NRDE2: variants seen among roughly 807,000 people sequenced by gnomAD.
NRDE2 encodes nuclear exosome regulator NRDE2.
In NRDE2, 76 loss-of-function variants were observed where a neutral mutation model predicts 124.2. That is an observed-to-expected ratio of 0.61 (90% CI 0.51 to 0.74). The LOEUF is 0.74. Among genes scored for constraint, NRDE2 ranks in the 30% least tolerant of loss-of-function variants. The pLI is 0.00. For synonymous variants in NRDE2, 489 were observed against 528.1 expected (o/e 0.93, Z 1.01); for missense variants, 1,314 against 1,417.3 (o/e 0.93, Z 1.17).
intron 2 of NRDE2, among the ~76,000 whole-genome samples, chr14:90,317,341 A>T (rs1885081662): frequency 6.6e-6 from 1 of 152,258 alleles, no homozygotes; most frequent in South Asian, 2.1e-4. Flanking sequence ...TTGTTAATAA[A>T]AAAACCAAAA....
chr14:90,296,006 G>C (rs542950748), intron 8 of NRDE2, among the ~76,000 whole-genome samples: 1 of 152,248 alleles, frequency 6.6e-6, no homozygotes, highest in Admixed American at 6.5e-5. Context: ...CTTTACACCT[G>C]ATTTTAAGTG....
intron 1 of NRDE2, among the ~76,000 whole-genome samples, chr14:90,318,898 ATGT>A (rs749919681): frequency 1.8e-4 from 28 of 152,350 alleles, no homozygotes; most frequent in Non-Finnish European, 3.7e-4. Context: ...AAAATATTCC[ATGT>A]TCTACCTTAG....
At chr14:90,319,624 A>G (rs1157239632) in intron 1 of NRDE2, among the ~76,000 whole-genome samples, 2 of 152,326 alleles carry the variant, frequency 1.3e-5, no homozygotes, top group Non-Finnish European at 1.5e-5. Flanking sequence ...ACTTACCACA[A>G]TGTTTTCAAG....
rs1029692209 is a variant in NRDE2, at chr14:90,273,208, G to A, written c.*5128C>T. On this transcript the variant is annotated 3_prime_UTR_variant, in exon 14 of 14. Coordinates refer to ENST00000354366, the MANE Select transcript of NRDE2 (RefSeq NM_017970.4). ...GGTTGTAGGGCCCACACTGAATGAG[G>A]AGTGTGTATTAGTTTTCTGTTAATA... is the stretch of plus-strand genomic sequence containing the variant. 1.3e-5 allele frequency: 2 copies of A among 151,694 alleles called. No homozygotes were observed. The highest frequency in any genetic ancestry group is 2.9e-5 in the Non-Finnish European group (2 of 67,842). The allele number at this position is 151,694 out of a possible 1,614,324, so 9.4% of individuals were successfully genotyped here.
intron 4 of NRDE2, among the ~76,000 whole-genome samples, chr14:90,308,965 G>A (rs896488291): frequency 2.6e-5 from 4 of 152,084 alleles, no homozygotes; most frequent in Non-Finnish European, 5.9e-5. Context: ...CCCACAGGCC[G>A]GGCGTGGTGG....
At chr14:90,323,497 T>C (rs1288954680) in intron 1 of NRDE2, among the ~76,000 whole-genome samples, 2 of 152,192 alleles carry the variant, frequency 1.3e-5, no homozygotes, top group African/African-American at 4.8e-5. Context: ...AGATGGTAAT[T>C]CAAAAAACAT....
chr14:90,283,161 G>A (rs1416125557), intron 12 of NRDE2, among the ~76,000 whole-genome samples: 10 of 152,144 alleles, frequency 6.6e-5, no homozygotes, highest in Admixed American at 5.9e-4. Flanking sequence ...ATTTTTCACT[G>A]TGTTAACAAA....
intron 13 of NRDE2, 85 bp downstream of exon 13, chr14:90,278,977 G>T: frequency 1.1e-6 from 1 of 945,578 alleles, no homozygotes; most frequent in Non-Finnish European, 1.7e-6. Context: ...CGGTGCCGCG[G>T]GGCAGGCCGG....
Position 90,271,561 on chromosome 14 carries a change from T to A in NRDE2, c.*6775A>T, listed in dbSNP as rs187232848. The A allele has an allele frequency of 6.6e-6, 1 of 152,222 alleles. No homozygotes were observed. The highest frequency in any genetic ancestry group is 1.5e-5 in the Non-Finnish European group (1 of 68,048). The allele number at this position is 152,222 out of a possible 1,614,324, so 9.4% of individuals were successfully genotyped here. On this transcript the variant is annotated 3_prime_UTR_variant, in exon 14 of 14. Coordinates refer to ENST00000354366, the MANE Select transcript of NRDE2 (RefSeq NM_017970.4). ...ACTTACAGTATCTAACCAGAATACA[T>A]GTTCTTTTATGACTATAAGTAAATG...
intron 2 of NRDE2, chr14:90,317,709 T>C (rs1885096191): frequency 4.3e-6 from 1 of 234,196 alleles, no homozygotes; most frequent in Non-Finnish European, 8.2e-6. Flanking sequence ...AATACCTGAA[T>C]TATGATGTTC....
At chr14:90,305,164 AAAC>A (rs961406165) in intron 4 of NRDE2, among the ~76,000 whole-genome samples, 7 of 152,218 alleles carry the variant, frequency 4.6e-5, no homozygotes, top group African/African-American at 1.7e-4. Flanking sequence ...ATAAAAAAAA[AAAC>A]AACTCAACAT....
chr14:90,284,925 G>A (rs1478025206), intron 12 of NRDE2, among the ~76,000 whole-genome samples: 2 of 151,998 alleles, frequency 1.3e-5, no homozygotes, highest in Admixed American at 6.6e-5. Context: ...AAAATTGAAC[G>A]GTGTCTCACC....
At chr14:90,283,954 GC>G (rs1304802532) in intron 12 of NRDE2, among the ~76,000 whole-genome samples, 1 of 151,958 alleles carries the variant, frequency 6.6e-6, no homozygotes, top group Admixed American at 6.6e-5. Context: ...CTCGTGATCC[GC>G]CCACCTCGGC....
chr14:90,273,767 C>G lies in NRDE2; in HGVS notation c.*4569G>C, dbSNP rs1159090196. The stretch of plus-strand genomic sequence containing the variant: ...GTGGGCCAGCTGAGGTCAGCATTTC[C>G]TTGCTGGCTGCCAGCTGAGGCCTTT... On this transcript the variant is annotated 3_prime_UTR_variant, in exon 14 of 14. Transcript: ENST00000354366. 6.5e-6 allele frequency: 1 copy of G among 154,742 alleles called. No homozygotes were observed. The highest frequency in any genetic ancestry group is 2.4e-5 in the African/African-American group (1 of 41,504). The allele number at this position is 154,742 out of a possible 1,614,324, so 9.6% of individuals were successfully genotyped here. A position where few individuals can be genotyped will look rare whatever the true frequency, so the allele number is the denominator to read the frequency against.
intron 1 of NRDE2, among the ~76,000 whole-genome samples, chr14:90,330,138 C>T (rs1311987058): frequency 1.3e-5 from 2 of 150,196 alleles, no homozygotes; most frequent in Non-Finnish European, 3.0e-5. Context: ...ACCCAGGAGG[C>T]GAAGGCTGCA....
At chr14:90,309,884 A>G (rs1884764422) in intron 4 of NRDE2, among the ~76,000 whole-genome samples, 1 of 152,208 alleles carries the variant, frequency 6.6e-6, no homozygotes, top group South Asian at 2.1e-4. Flanking sequence ...TAAGCCCTTT[A>G]GCAGTGGTAT....
chr14:90,313,718 T>C lies in NRDE2; in HGVS notation c.408-1175A>G, dbSNP rs574740847. Among the ~76,000 whole-genome samples the C allele has an allele frequency of 1.5e-4, 23 of 152,334 alleles. No individual in the cohort carries two copies. The East Asian group carries it at 4.2e-3, about 28-fold the overall frequency. On this transcript the variant is annotated intron_variant, in intron 3 of 13. Transcript: ENST00000354366. ...GGTGACAAAGTAGTCAAAACAGCCA[T>C]TAACTGTTGTTCCATCTCTGCTTTT...
Position 90,272,224 on chromosome 14 carries a change from G to A in NRDE2, c.*6112C>T. Reference sequence around the variant, plus strand: ...ATAGGTTTTTTGGAATTCCTTGTTAGAATAAAAATGAGTATGTCACTTTCT... The same window carrying A: ...ATAGGTTTTTTGGAATTCCTTGTTAAAATAAAAATGAGTATGTCACTTTCT... On this transcript the variant is annotated 3_prime_UTR_variant, in exon 14 of 14. Coordinates refer to ENST00000354366, the MANE Select transcript of NRDE2 (RefSeq NM_017970.4). The surrounding 1 kb of genome is among the most constrained non-coding windows in gnomAD (Gnocchi z 4.5). 6.3e-7 allele frequency: 1 copy of A among 1,592,660 alleles called. No individual in the cohort carries two copies. The highest frequency in any genetic ancestry group is 2.3e-4 in the Middle Eastern group (1 of 4,366).
chr14:90,302,150 G>A (rs1474485958), intron 6 of NRDE2, among the ~76,000 whole-genome samples: 3 of 152,104 alleles, frequency 2.0e-5, no homozygotes, highest in Non-Finnish European at 4.4e-5. Context: ...GGCTCAAAGA[G>A]GACCTGCCCA....
Sources: allele counts gnomAD v4.1 joint callset (sites outside exome capture counted in the v4.1 genomes callset), GRCh38; gene constraint gnomAD v4.1.1; non-coding constraint Gnocchi (gnomAD v3.1); transcripts MANE v1.5; gene names NCBI Gene and HGNC (gene_info 2026-07-23, HGNC 2026-07-21).